Variants in CAMK1D observed in about 807,000 individuals in gnomAD.
CAMK1D encodes calcium/calmodulin dependent protein kinase ID, also known as calcium/calmodulin-dependent protein kinase type 1D.
A neutral mutation model predicts 47.7 loss-of-function variants in CAMK1D; 9 were observed. The observed-to-expected ratio is 0.19, with a 90% confidence interval of 0.11 to 0.33. The LOEUF (loss-of-function observed/expected upper bound fraction) is 0.33. Ranked by LOEUF, CAMK1D falls within the 10% of genes least tolerant of loss-of-function variation. The pLI is 1.00. For synonymous variants in CAMK1D, 184 were observed against 184.9 expected (o/e 0.99, Z 0.04); for missense variants, 291 against 488.7 (o/e 0.60, Z 3.81).
chr10:12,549,714 G>A (rs144715906), intron 1 of CAMK1D, among the ~76,000 whole-genome samples: 4 of 152,330 alleles, frequency 2.6e-5, no homozygotes, highest in African/African-American at 7.2e-5. Flanking sequence ...ACATAACTCC[G>A]TGCCGTTGTC....
At chr10:12,510,639 C>A (rs1470323198) in intron 1 of CAMK1D, among the ~76,000 whole-genome samples, 2 of 152,196 alleles carry the variant, frequency 1.3e-5, no homozygotes, top group African/African-American at 2.4e-5. Context: ...GCCAGTGCCA[C>A]CTCCGGGACC....
intron 2 of CAMK1D, among the ~76,000 whole-genome samples, chr10:12,645,680 C>G (rs1839792341): frequency 6.6e-6 from 1 of 152,136 alleles, no homozygotes; most frequent in African/African-American, 2.4e-5. Context: ...GCTAGCGTTC[C>G]CCAAAACACA....
At chr10:12,701,144 C>A (rs887583279) in intron 3 of CAMK1D, among the ~76,000 whole-genome samples, 9 of 147,578 alleles carry the variant, frequency 6.1e-5, no homozygotes, top group African/African-American at 2.0e-4. Flanking sequence ...ATGGAATTTA[C>A]TCTTGTCACC....
intron 5 of CAMK1D, among the ~76,000 whole-genome samples, chr10:12,780,585 G>A (rs984762423): frequency 6.6e-6 from 1 of 152,086 alleles, no homozygotes; most frequent in African/African-American, 2.4e-5. Flanking sequence ...GAGTGATCTC[G>A]ATTCTTTTCA....
At chr10:12,695,148 A>G (rs188123871) in intron 3 of CAMK1D, among the ~76,000 whole-genome samples, 9 of 152,264 alleles carry the variant, frequency 5.9e-5, no homozygotes, top group South Asian at 4.1e-4. Flanking sequence ...GAACCCTAAT[A>G]TAGGAGCTTA....
chr10:12,582,521 ATTTG>A (rs1456134780), intron 2 of CAMK1D, among the ~76,000 whole-genome samples: 2 of 152,068 alleles, frequency 1.3e-5, no homozygotes, highest in East Asian at 1.9e-4. Flanking sequence ...GGGTGTTTCC[ATTTG>A]TTTGTGTCAT....
chr10:12,466,674 A>C (rs1833601508), intron 1 of CAMK1D, among the ~76,000 whole-genome samples: 1 of 152,000 alleles, frequency 6.6e-6, no homozygotes, highest in South Asian at 2.1e-4. Context: ...TAATGCATTA[A>C]AAATACTTTG....
At chr10:12,568,139 T>TG (rs1837187392) in intron 2 of CAMK1D, among the ~76,000 whole-genome samples, 1 of 57,156 alleles carries the variant, frequency 1.7e-5, no homozygotes, top group African/African-American at 7.5e-5. Context: ...CCTCCCTCCC[T>TG]CCCTCTCTCC....
rs185641074 is a variant in CAMK1D at position 12,558,684 on chromosome 10, G to A, written c.224+5328G>A. Among the ~76,000 whole-genome samples, 893 of 152,252 alleles carry A rather than the reference G, an allele frequency of 5.9e-3. 7 individuals are homozygous for A. The highest frequency in any genetic ancestry group is 0.02 in the African/African-American group (814 of 41,504). ...GAGGGGGATGCATAGATTGGAAAGTGGGGGCTGAGAGAAGCAAACCAGCTG... is the reference window on the plus strand; with the variant it reads ...GAGGGGGATGCATAGATTGGAAAGTAGGGGCTGAGAGAAGCAAACCAGCTG... On this transcript the variant is annotated intron_variant, in intron 2 of 10. Transcript: ENST00000619168.
intron 2 of CAMK1D, among the ~76,000 whole-genome samples, chr10:12,624,363 G>A (rs140055597): frequency 2.6e-5 from 4 of 152,124 alleles, no homozygotes; most frequent in East Asian, 3.9e-4. Context: ...TTCATCTCGC[G>A]CAACTAAAAC....
chr10:12,547,594 T>C (rs1836421938), intron 1 of CAMK1D, among the ~76,000 whole-genome samples: 1 of 151,814 alleles, frequency 6.6e-6, no homozygotes, highest in Non-Finnish European at 1.5e-5. Context: ...TCTTTATAGG[T>C]TTTCAGATCA....
chr10:12,588,789 TACAC>T (rs566585314), intron 2 of CAMK1D, among the ~76,000 whole-genome samples: 47 of 145,540 alleles, frequency 3.2e-4, no homozygotes, highest in African/African-American at 8.8e-4. Context: ...TATATATATA[TACAC>T]ACACACACAC....
intron 2 of CAMK1D, among the ~76,000 whole-genome samples, chr10:12,635,751 A>G (rs188552209): frequency 7.8e-4 from 119 of 152,110 alleles, no homozygotes; most frequent in African/African-American, 2.8e-3. Flanking sequence ...GGGGGTTTTT[A>G]TCTTATAATG....
At chr10:12,804,585 G>A (rs1838634182) in intron 6 of CAMK1D, among the ~76,000 whole-genome samples, 2 of 137,932 alleles carry the variant, frequency 1.4e-5, no homozygotes, top group South Asian at 5.0e-4. Flanking sequence ...GCGACAGAGT[G>A]AGACTCCGTC....
intron 1 of CAMK1D, among the ~76,000 whole-genome samples, chr10:12,509,293 A>G (rs1424382373): frequency 6.6e-6 from 1 of 152,184 alleles, no homozygotes; most frequent in East Asian, 1.9e-4. Context: ...TCTTGTTTGA[A>G]AAGCCACTAG....
chr10:12,693,844 T>C (rs1833032818), intron 3 of CAMK1D, among the ~76,000 whole-genome samples: 1 of 138,832 alleles, frequency 7.2e-6, no homozygotes, highest in South Asian at 2.2e-4. Flanking sequence ...GATTGCACCA[T>C]GGCACTCTAG....
At chr10:12,427,898 G>T (rs1231117898) in intron 1 of CAMK1D, among the ~76,000 whole-genome samples, 1 of 151,166 alleles carries the variant, frequency 6.6e-6, no homozygotes, top group African/African-American at 2.4e-5. Context: ...AGTAGAGACG[G>T]GGTTTCACCA....
intron 1 of CAMK1D, among the ~76,000 whole-genome samples, chr10:12,367,553 G>C (rs1837872666): frequency 6.6e-6 from 1 of 151,810 alleles, no homozygotes; most frequent in African/African-American, 2.4e-5. Flanking sequence ...CCGTAATGTA[G>C]AATCAGTGCG....
intron 2 of CAMK1D, among the ~76,000 whole-genome samples, chr10:12,609,197 G>A (rs907567392): frequency 6.6e-6 from 1 of 152,178 alleles, no homozygotes; most frequent in African/African-American, 2.4e-5. Flanking sequence ...TTGTCTTAAA[G>A]GACACATTCA....
Sources: allele counts gnomAD v4.1 joint callset (sites outside exome capture counted in the v4.1 genomes callset), GRCh38; gene constraint gnomAD v4.1.1; transcripts MANE v1.5; gene names NCBI Gene and HGNC (gene_info 2026-07-23, HGNC 2026-07-21).